The following GPHN variants were observed in gnomAD, a reference collection of about 807,000 sequenced individuals.
GPHN encodes the protein gephyrin.
Under a neutral mutation model 95.5 loss-of-function variants are expected in GPHN, and 17 were observed. The ratio of observed to expected loss-of-function variants is 0.18; its 90% CI spans 0.12 to 0.27. GPHN has a LOEUF of 0.27. Among genes scored for constraint, GPHN ranks in the 10% least tolerant of loss-of-function variants. The pLI, the probability that GPHN is intolerant of heterozygous loss-of-function variation, is 1.00. For synonymous variants in GPHN, 320 were observed against 322.5 expected (o/e 0.99, Z 0.08); for missense variants, 660 against 978.1 (o/e 0.67, Z 4.34).
chr14:67,458,381 G>A, the GPHN span, among the ~76,000 whole-genome samples: 1 of 152,304 alleles, frequency 6.6e-6, no homozygotes, highest in Non-Finnish European at 1.5e-5. Context: ...TGTTTATTGA[G>A]CTCCTACTAC....
At chr14:66,983,812 G>A (rs1055834817) in intron 9 of GPHN, among the ~76,000 whole-genome samples, 8 of 152,094 alleles carry the variant, frequency 5.3e-5, no homozygotes, top group Non-Finnish European at 8.8e-5. Flanking sequence ...ATATAGTAAC[G>A]TAAAATTTCT....
At chr14:66,632,781 G>A (rs986963257) in intron 1 of GPHN, among the ~76,000 whole-genome samples, 18 of 151,994 alleles carry the variant, frequency 1.2e-4, no homozygotes, top group African/African-American at 2.9e-4. Flanking sequence ...GTGAGCCACC[G>A]CACCCGGCCC....
chr14:67,013,776 A>G, intron 9 of GPHN, among the ~76,000 whole-genome samples: 1 of 151,994 alleles, frequency 6.6e-6, no homozygotes, highest in East Asian at 1.9e-4. Flanking sequence ...GTAAAGCATT[A>G]GGGTTTTTTT....
intron 1 of GPHN, among the ~76,000 whole-genome samples, chr14:66,543,718 C>T (rs117837390): frequency 0.012 from 1,843 of 152,264 alleles, 20 homozygotes; most frequent in Non-Finnish European, 0.018. Flanking sequence ...TGCTTTCTCC[C>T]ACAGCCAACT....
In GPHN at chr14:66,790,937, C is replaced by T. The variant is rs369758196; in HGVS notation, c.201+14416C>T. Among the ~76,000 whole-genome samples the T allele has an allele frequency of 5.9e-5, 9 of 152,332 alleles. No individual in the cohort carries two copies. In the East Asian group the frequency reaches 9.6e-4, roughly 16 times the overall value. ...ACAGCCATCAGCAAAGATTGCAAGG[C>T]AGATTAATCCAAAGAGAATAGTAAT... On this transcript the variant is annotated intron_variant, in intron 3 of 22. Coordinates refer to ENST00000478722, the MANE Select transcript of GPHN (RefSeq NM_020806.5).
chr14:66,907,388 G>A (rs1215435058), intron 5 of GPHN, among the ~76,000 whole-genome samples: 1 of 152,136 alleles, frequency 6.6e-6, no homozygotes, highest in Non-Finnish European at 1.5e-5. Context: ...TATAAGAACA[G>A]TAAAATGATC....
At chr14:67,722,992 A>G in the GPHN span, among the ~76,000 whole-genome samples, 14 of 152,330 alleles carry the variant, frequency 9.2e-5, no homozygotes, top group South Asian at 1.5e-3. Context: ...AAGTAGCTCA[A>G]CAAACACCTT....
chr14:67,395,329 A>AG, the GPHN span: 19 of 1,358,000 alleles, frequency 1.4e-5, no homozygotes, highest in Non-Finnish European at 2.0e-5. Context: ...AGCCCCCCCA[A>AG]GGGGCAGGGT....
chr14:66,833,766 G>A (rs2061677985), intron 4 of GPHN, among the ~76,000 whole-genome samples: 2 of 151,290 alleles, frequency 1.3e-5, no homozygotes, highest in African/African-American at 2.4e-5. Context: ...TTCCAATTTT[G>A]TTGATTTGTT....
the GPHN span, among the ~76,000 whole-genome samples, chr14:67,552,850 G>C: frequency 6.6e-6 from 1 of 152,060 alleles, no homozygotes; most frequent in African/African-American, 2.4e-5. Context: ...GGGTGACCCA[G>C]GGCTGGGAGG....
At chr14:66,680,825 T>G (rs1229723232) in intron 1 of GPHN, among the ~76,000 whole-genome samples, 1 of 152,160 alleles carries the variant, frequency 6.6e-6, no homozygotes, top group Non-Finnish European at 1.5e-5. Context: ...CTTGTAACAG[T>G]AAGAACAACA....
intron 8 of GPHN, among the ~76,000 whole-genome samples, chr14:66,945,448 T>C (rs965201582): frequency 2.0e-5 from 3 of 152,120 alleles, no homozygotes; most frequent in Non-Finnish European, 4.4e-5. Context: ...ATAAGAATTA[T>C]ACAGTGGACT....
chr14:67,072,834 A>C (rs1164299602), intron 11 of GPHN, among the ~76,000 whole-genome samples: 1 of 151,496 alleles, frequency 6.6e-6, no homozygotes, highest in African/African-American at 2.4e-5. Flanking sequence ...TATCATTTGG[A>C]TATAACAGTG....
chr14:67,504,631 A>G, the GPHN span, among the ~76,000 whole-genome samples: 1 of 152,208 alleles, frequency 6.6e-6, no homozygotes, highest in African/African-American at 2.4e-5. Flanking sequence ...TCACACCTGT[A>G]ATCCCAGCAC....
At chr14:67,062,025 C>A (rs1331125807) in intron 11 of GPHN, among the ~76,000 whole-genome samples, 3 of 152,020 alleles carry the variant, frequency 2.0e-5, no homozygotes, top group Non-Finnish European at 2.9e-5. Context: ...TTTTGTAAGA[C>A]AACTGACTGA....
At chr14:67,489,192 A>G in the GPHN span, among the ~76,000 whole-genome samples, 1 of 152,164 alleles carries the variant, frequency 6.6e-6, no homozygotes, top group African/African-American at 2.4e-5. Flanking sequence ...AGAAATGGTC[A>G]CCTCTATTTT....
intron 12 of GPHN, among the ~76,000 whole-genome samples, chr14:67,099,913 T>C (rs2077602253): frequency 6.6e-6 from 1 of 152,154 alleles, no homozygotes; most frequent in East Asian, 1.9e-4. Flanking sequence ...ATGAAGGTAA[T>C]GGTCATGATT....
chr14:67,520,411 TGTCA>T, the GPHN span, among the ~76,000 whole-genome samples: 2 of 152,252 alleles, frequency 1.3e-5, no homozygotes, highest in Non-Finnish European at 2.9e-5. Flanking sequence ...TTTTCCAGAA[TGTCA>T]TATAGGTGAA....
chr14:67,461,340 G>A, the GPHN span, among the ~76,000 whole-genome samples: 3 of 152,192 alleles, frequency 2.0e-5, no homozygotes, highest in South Asian at 2.1e-4. Flanking sequence ...CAGGAACCTG[G>A]GATTCAAACT....
Sources: allele counts gnomAD v4.1 joint callset (sites outside exome capture counted in the v4.1 genomes callset), GRCh38; gene constraint gnomAD v4.1.1; transcripts MANE v1.5; gene names NCBI Gene and HGNC (gene_info 2026-07-23, HGNC 2026-07-21).